The following CCDC85A variants were observed in gnomAD, a reference collection of about 807,000 sequenced individuals.
CCDC85A encodes the protein coiled-coil domain containing 85A.
Under a neutral mutation model 50.2 loss-of-function variants are expected in CCDC85A, and 38 were observed. The observed-to-expected ratio is 0.76, with a 90% confidence interval of 0.58 to 0.99. The LOEUF is 0.99. Ranked by LOEUF, CCDC85A falls within the 50% of genes least tolerant of loss-of-function variation. CCDC85A has a pLI of 0.00. For missense variants in CCDC85A, 820 were observed against 742.0 expected, an observed-to-expected ratio of 1.11 and a Z score of -1.22; for synonymous variants, 366 against 301.4, an observed-to-expected ratio of 1.21 and a Z score of -2.22.
chr2:56,325,817 CA>C (rs1673437786), intron 2 of CCDC85A, among the ~76,000 whole-genome samples: 1 of 152,116 alleles, frequency 6.6e-6, no homozygotes, highest in Non-Finnish European at 1.5e-5. Flanking sequence ...AATGACTTAG[CA>C]GATTCAAGCA....
chr2:56,323,410 C>T (rs1673310080), intron 2 of CCDC85A, among the ~76,000 whole-genome samples: 1 of 151,992 alleles, frequency 6.6e-6, no homozygotes, highest in Non-Finnish European at 1.5e-5. Flanking sequence ...TGGGTTAGGG[C>T]TCCAGGGAGG....
At chr2:56,317,572 G>T (rs1015645714) in intron 2 of CCDC85A, among the ~76,000 whole-genome samples, 28 of 152,004 alleles carry the variant, frequency 1.8e-4, no homozygotes, top group African/African-American at 6.5e-4. Flanking sequence ...GAAATTTCAC[G>T]TGAAATATTG....
rs530710587 is a variant in CCDC85A, at chr2:56,272,434, G to C, written c.1241-70445G>C. Among the ~76,000 whole-genome samples, 6 of 152,274 alleles carry C rather than the reference G, an allele frequency of 3.9e-5. No homozygotes were observed. In the South Asian group the frequency reaches 1.0e-3, roughly 26 times the overall value. On this transcript the variant is annotated intron_variant, in intron 2 of 5. Coordinates refer to ENST00000407595, the MANE Select transcript of CCDC85A (RefSeq NM_001080433.2). ...AACACTCCCCAAATGCATTTATTCA[G>C]AAGGGTCATAGGAGCAGTGAGTTTT...
intron 2 of CCDC85A, among the ~76,000 whole-genome samples, chr2:56,283,368 T>C (rs1558621993): frequency 6.6e-6 from 1 of 152,198 alleles, no homozygotes; most frequent in African/African-American, 2.4e-5. Context: ...GTGACTGTGG[T>C]GACAATATGG....
chr2:56,269,362 T>TGTGTGTGTGTG (rs1670599138), intron 2 of CCDC85A, among the ~76,000 whole-genome samples: 15 of 150,286 alleles, frequency 1.0e-4, no homozygotes, highest in South Asian at 2.1e-4. Flanking sequence ...TGTGTGTGTG[T>TGTGTGTGTGTG]TTGAAGGAGG....
chr2:56,305,093 A>T (rs1407789029), intron 2 of CCDC85A, among the ~76,000 whole-genome samples: 1 of 145,036 alleles, frequency 6.9e-6, no homozygotes, highest in South Asian at 2.1e-4. Flanking sequence ...ACAGAGCAAG[A>T]CTCTGCCTCA....
intron 2 of CCDC85A, among the ~76,000 whole-genome samples, chr2:56,267,345 C>T (rs770469852): frequency 1.3e-5 from 2 of 152,026 alleles, no homozygotes; most frequent in Non-Finnish European, 2.9e-5. Context: ...TTTCCCAACA[C>T]GACTAGGATC....
At chr2:56,291,162 G>T (rs551325601) in intron 2 of CCDC85A, among the ~76,000 whole-genome samples, 1 of 152,286 alleles carries the variant, frequency 6.6e-6, no homozygotes, top group African/African-American at 2.4e-5. Context: ...AGGAGTACAC[G>T]TAGAATAATG....
At position 56,192,990 on chromosome 2, in the gene CCDC85A, G is replaced by A; in HGVS notation, c.790G>A (p.Ala264Thr). The A allele has an allele frequency of 1.2e-6, 2 of 1,613,658 alleles. No homozygotes were observed. Among genetic ancestry groups the A allele is most frequent in the Non-Finnish European group, 8.5e-7 (1 of 1,179,822 alleles). The change falls in exon 2 of 6, where the codon GCC becomes ACC. Residue 264 changes from alanine (A) to threonine (T), a missense_variant. Ala to Thr is a moderately conservative substitution (Grantham distance 58). Coordinates refer to ENST00000407595, the MANE Select transcript of CCDC85A (RefSeq NM_001080433.2). The surrounding 1 kb of genome is among the most constrained non-coding windows in gnomAD (Gnocchi z 4.7). ...ASPEHPQKPR[A>T]CGTPDRPKAL... Reference sequence around the variant, plus strand: ...CCCCGAGCATCCACAGAAACCCAGAGCCTGTGGAACCCCAGATCGCCCCAA... The same window carrying A: ...CCCCGAGCATCCACAGAAACCCAGAACCTGTGGAACCCCAGATCGCCCCAA...
chr2:56,350,613 T>C (rs1338535797), intron 3 of CCDC85A, among the ~76,000 whole-genome samples: 2 of 152,150 alleles, frequency 1.3e-5, no homozygotes, highest in African/African-American at 4.8e-5. Flanking sequence ...TCTGGGAAGC[T>C]TGTAAAGATG....
intron 2 of CCDC85A, among the ~76,000 whole-genome samples, chr2:56,289,892 A>G (rs1170791751): frequency 1.3e-5 from 2 of 152,186 alleles, no homozygotes; most frequent in Non-Finnish European, 2.9e-5. Context: ...GATGGTTTCT[A>G]TTTTAATACT....
intron 1 of CCDC85A, among the ~76,000 whole-genome samples, chr2:56,186,872 C>T (rs1441741506): frequency 6.6e-6 from 1 of 152,160 alleles, no homozygotes; most frequent in Non-Finnish European, 1.5e-5. Flanking sequence ...TCCTTGTGAT[C>T]TAGATTCATG....
intron 2 of CCDC85A, among the ~76,000 whole-genome samples, chr2:56,248,434 G>A (rs1234372165): frequency 2.0e-5 from 3 of 152,122 alleles, no homozygotes; most frequent in Non-Finnish European, 2.9e-5. Flanking sequence ...CAGGCCCTTG[G>A]TGTCTACCCA....
intron 2 of CCDC85A, among the ~76,000 whole-genome samples, chr2:56,289,869 G>GAT (rs535779642): frequency 0.17 from 26,572 of 152,038 alleles, 3,070 homozygotes; most frequent in African/African-American, 0.31. Flanking sequence ...AGTAAAGTAT[G>GAT]ATATCTTTGT....
In CCDC85A at chr2:56,193,322, C is replaced by G. The variant is rs762709570; in HGVS notation, c.1122C>G (p.His374Gln). The G allele has an allele frequency of 6.2e-7, 1 of 1,613,050 alleles. No homozygotes were observed. Among genetic ancestry groups the G allele is most frequent in the African/African-American group, 1.3e-5 (1 of 74,892 alleles). ...QHYGGSPDHK[H>Q]GGGSGGSGGS... Reference sequence around the variant, plus strand: ...ATGGAGGGAGCCCTGATCACAAACACGGAGGAGGCAGTGGAGGAAGTGGAG... The same window carrying G: ...ATGGAGGGAGCCCTGATCACAAACAGGGAGGAGGCAGTGGAGGAAGTGGAG... Residue 374 changes from histidine (H) to glutamine (Q), a missense_variant, in exon 2 of 6, where the codon CAC (histidine) becomes CAG (glutamine). His to Gln is a conservative substitution (Grantham distance 24). Transcript: ENST00000407595.
chr2:56,315,498 G>T (rs565643478), intron 2 of CCDC85A, among the ~76,000 whole-genome samples: 1 of 152,252 alleles, frequency 6.6e-6, no homozygotes, highest in South Asian at 2.1e-4. Flanking sequence ...TATTGTGCCA[G>T]ACACTGTGGG....
chr2:56,308,798 A>G (rs1672560678), intron 2 of CCDC85A, among the ~76,000 whole-genome samples: 1 of 152,176 alleles, frequency 6.6e-6, no homozygotes, highest in Non-Finnish European at 1.5e-5. Flanking sequence ...GCTGCGCTGT[A>G]GTAGAGACAG....
chr2:56,245,453 G>T (rs999528961), intron 2 of CCDC85A, among the ~76,000 whole-genome samples: 7 of 152,226 alleles, frequency 4.6e-5, no homozygotes, highest in African/African-American at 7.2e-5. Flanking sequence ...AGCAATTCAA[G>T]ACTATCTTTC....
At chr2:56,260,262 G>A (rs1001683118) in intron 2 of CCDC85A, among the ~76,000 whole-genome samples, 1 of 152,156 alleles carries the variant, frequency 6.6e-6, no homozygotes, top group African/African-American at 2.4e-5. Flanking sequence ...AACACCATTG[G>A]TCTCCTGCTG....
Sources: gnomAD v4.1 joint callset for allele counts (sites outside exome capture counted in the v4.1 genomes callset) on GRCh38, gnomAD v4.1.1 for gene constraint, Gnocchi (gnomAD v3.1) non-coding constraint, MANE v1.5 for transcripts, NCBI Gene and HGNC (gene_info 2026-07-23, HGNC 2026-07-21) for gene names.